The following NKAIN3 variants were observed in gnomAD, a reference collection of about 807,000 sequenced individuals.
The protein encoded by NKAIN3 is sodium/potassium transporting ATPase interacting 3.
Under a neutral mutation model 30.2 loss-of-function variants are expected in NKAIN3, and 25 were observed. The observed-to-expected ratio is 0.83, with a 90% CI of 0.60 to 1.16. The LOEUF is 1.16. Ranked by LOEUF, NKAIN3 falls within the 50% of genes most tolerant of loss-of-function variation. NKAIN3 has a pLI of 0.00. For synonymous variants in NKAIN3, 91 were observed against 89.6 expected (o/e 1.02, Z -0.09); for missense variants, 225 against 254.1 (o/e 0.89, Z 0.78).
intron 4 of NKAIN3, among the ~76,000 whole-genome samples, chr8:62,885,203 A>G (rs1398283125): frequency 6.6e-6 from 1 of 152,140 alleles, no homozygotes; most frequent in African/African-American, 2.4e-5. Flanking sequence ...TTAGTTTGAA[A>G]TATTTTTAAA....
chr8:62,921,361 T>G (rs1307219229), intron 5 of NKAIN3, among the ~76,000 whole-genome samples: 1 of 152,196 alleles, frequency 6.6e-6, no homozygotes, highest in African/African-American at 2.4e-5. Context: ...TTAAGCCTTG[T>G]TCTTGGGCTG....
chr8:62,895,824 C>G (rs1023556567), intron 4 of NKAIN3, among the ~76,000 whole-genome samples: 9 of 152,116 alleles, frequency 5.9e-5, no homozygotes, highest in Non-Finnish European at 1.3e-4. Context: ...AGGAAAGTAG[C>G]ATTCAACTCC....
chr8:62,409,573 T>C (rs973726950), intron 1 of NKAIN3, among the ~76,000 whole-genome samples: 5 of 152,178 alleles, frequency 3.3e-5, no homozygotes, highest in African/African-American at 1.2e-4. Flanking sequence ...ACATTTTTAT[T>C]ATCATTATAC....
intron 6 of NKAIN3, among the ~76,000 whole-genome samples, chr8:62,964,216 G>C (rs1823642385): frequency 6.6e-6 from 1 of 152,208 alleles, no homozygotes; most frequent in Admixed American, 6.5e-5. Flanking sequence ...CTTCTTCACA[G>C]TAGAGAAGAA....
At chr8:62,861,469 TG>T (rs1820236712) in intron 4 of NKAIN3, among the ~76,000 whole-genome samples, 1 of 152,192 alleles carries the variant, frequency 6.6e-6, no homozygotes, top group Admixed American at 6.5e-5. Context: ...TGGCGTCACT[TG>T]AAATCACTGA....
chr8:62,320,855 G>A (rs1480673533), intron 1 of NKAIN3, among the ~76,000 whole-genome samples: 1 of 152,086 alleles, frequency 6.6e-6, no homozygotes, highest in African/African-American at 2.4e-5. Context: ...CATTCTCTGT[G>A]TTTCCTGAGT....
At chr8:62,803,746 G>A (rs555847774) in intron 4 of NKAIN3, among the ~76,000 whole-genome samples, 26 of 152,120 alleles carry the variant, frequency 1.7e-4, no homozygotes, top group East Asian at 5.8e-4. Flanking sequence ...CTAGCAGAAG[G>A]CAAGAAATAA....
At chr8:62,638,545 G>A (rs997406693) in intron 3 of NKAIN3, among the ~76,000 whole-genome samples, 1 of 152,138 alleles carries the variant, frequency 6.6e-6, no homozygotes, top group Admixed American at 6.6e-5. Flanking sequence ...CCTTGGAGGA[G>A]TAGATTTAAT....
intron 4 of NKAIN3, among the ~76,000 whole-genome samples, chr8:62,758,767 T>G (rs1816541650): frequency 1.3e-5 from 2 of 152,188 alleles, no homozygotes; most frequent in African/African-American, 4.8e-5. Flanking sequence ...GTTACCTACT[T>G]GAGATAATGA....
At chr8:62,441,251 T>G (rs2129598214) in intron 1 of NKAIN3, among the ~76,000 whole-genome samples, 1 of 152,194 alleles carries the variant, frequency 6.6e-6, no homozygotes, top group African/African-American at 2.4e-5. Context: ...AGCTGTGGGA[T>G]TTTGTTTTAT....
intron 6 of NKAIN3, among the ~76,000 whole-genome samples, chr8:62,964,281 A>G (rs557725909): frequency 2.0e-5 from 3 of 152,320 alleles, no homozygotes; most frequent in African/African-American, 7.2e-5. Flanking sequence ...GACTTTTCAT[A>G]GGAGAGAAAC....
intron 1 of NKAIN3, among the ~76,000 whole-genome samples, chr8:62,357,906 C>T (rs1167537866): frequency 6.6e-6 from 1 of 152,120 alleles, no homozygotes; most frequent in African/African-American, 2.4e-5. Flanking sequence ...GATAACATAT[C>T]ACCTTATCTT....
chr8:62,441,915 T>A (rs1482653572), intron 1 of NKAIN3, among the ~76,000 whole-genome samples: 1 of 152,078 alleles, frequency 6.6e-6, no homozygotes. Context: ...TCTGTACTTT[T>A]AAGTTTCCCA....
At chr8:62,594,401 G>A (rs748911627) in intron 3 of NKAIN3, among the ~76,000 whole-genome samples, 3 of 152,008 alleles carry the variant, frequency 2.0e-5, no homozygotes, top group Admixed American at 1.3e-4. Flanking sequence ...TGAATTGTTT[G>A]TCACCACCTG....
intron 1 of NKAIN3, among the ~76,000 whole-genome samples, chr8:62,390,316 A>G (rs1817552903): frequency 6.6e-6 from 1 of 151,996 alleles, no homozygotes; most frequent in Admixed American, 6.6e-5. Context: ...TTGTTCCTGC[A>G]TTAATTTGCT....
chr8:62,501,261 A>G (rs929222374), intron 1 of NKAIN3, among the ~76,000 whole-genome samples: 2 of 152,196 alleles, frequency 1.3e-5, no homozygotes, highest in Non-Finnish European at 2.9e-5. Flanking sequence ...ATCCATGAGT[A>G]GCTACTGGGG....
At chr8:62,591,480 ATAAG>A (rs1395862291) in intron 3 of NKAIN3, among the ~76,000 whole-genome samples, 2 of 151,994 alleles carry the variant, frequency 1.3e-5, no homozygotes, top group African/African-American at 4.8e-5. Flanking sequence ...AAACAAATAA[ATAAG>A]TATCAGCAGT....
intron 1 of NKAIN3, among the ~76,000 whole-genome samples, chr8:62,540,357 C>T (rs1808799531): frequency 1.3e-5 from 2 of 152,152 alleles, no homozygotes; most frequent in South Asian, 4.1e-4. Context: ...CCTCCTACTA[C>T]CTACCCAGTA....
intron 3 of NKAIN3, among the ~76,000 whole-genome samples, chr8:62,701,889 G>A (rs4738996): frequency 0.18 from 26,962 of 152,094 alleles, 2,542 homozygotes; most frequent in East Asian, 0.35. Flanking sequence ...TCCGGGGGCT[G>A]AAGTCCACCT....
Sources: gnomAD v4.1 joint callset for allele counts (sites outside exome capture counted in the v4.1 genomes callset) on GRCh38, gnomAD v4.1.1 for gene constraint, MANE v1.5 for transcripts, NCBI Gene and HGNC (gene_info 2026-07-23, HGNC 2026-07-21) for gene names.